The following COQ10B variants were observed in gnomAD, a reference collection of about 807,000 sequenced individuals.
The protein encoded by COQ10B is coenzyme Q10B, also known as coenzyme Q-binding protein COQ10 homolog B, mitochondrial.
COQ10B carries 12 observed loss-of-function variants against 27.6 expected under a neutral mutation model. The observed-to-expected ratio is 0.43, with a 90% CI of 0.28 to 0.70. The LOEUF is 0.70. Ranked by LOEUF, COQ10B falls within the 30% of genes least tolerant of loss-of-function variation. The probability of loss-of-function intolerance (pLI) is 0.17; values close to 1 mark genes in which losing one functional copy is unlikely to be tolerated. For missense variants in COQ10B, 278 were observed against 288.7 expected, an observed-to-expected ratio of 0.96 and a Z score of 0.27; for synonymous variants, 115 against 103.0, an observed-to-expected ratio of 1.12 and a Z score of -0.71.
chr2:197,469,029 A>T (rs962390699), intron 3 of COQ10B, among the ~76,000 whole-genome samples: 1 of 151,602 alleles, frequency 6.6e-6, no homozygotes, highest in African/African-American at 2.4e-5. Context: ...TTTATTTTTT[A>T]TTTTTATTTT....
At chr2:197,467,172 C>T (rs1354934608) in intron 3 of COQ10B, among the ~76,000 whole-genome samples, 1 of 152,152 alleles carries the variant, frequency 6.6e-6, no homozygotes, top group East Asian at 1.9e-4. Context: ...GTCTCAAACT[C>T]CTGACCTCAG....
chr2:197,457,642 C>T (rs570978155), intron 1 of COQ10B, among the ~76,000 whole-genome samples: 6 of 148,448 alleles, frequency 4.0e-5, no homozygotes, highest in Non-Finnish European at 5.9e-5. Context: ...TTTTTTGAGA[C>T]GGGGAGTCTT....
intron 3 of COQ10B, among the ~76,000 whole-genome samples, chr2:197,467,335 T>G (rs1011216154): frequency 1.3e-5 from 2 of 151,718 alleles, no homozygotes; most frequent in African/African-American, 2.4e-5. Flanking sequence ...TTTGATTGAT[T>G]GATTGATTGA....
At chr2:197,456,537 G>C (rs2085701014) in intron 1 of COQ10B, among the ~76,000 whole-genome samples, 1 of 151,562 alleles carries the variant, frequency 6.6e-6, no homozygotes, top group South Asian at 2.1e-4. Context: ...GGCTGAGGTG[G>C]GCGGATCACA....
rs111837954 is a variant in COQ10B, at chr2:197,463,249, G to A, written c.447+518G>A. 5.4e-4 allele frequency among the ~76,000 whole-genome samples: 82 copies of A among 152,098 alleles called. 2 individuals are homozygous for A. The highest frequency in any genetic ancestry group is 1.6e-3 in the Admixed American group (24 of 15,260). ...AGCACTTTGGGAGGCCAAGGCGAGCGGATTACGAGGTCAGGAGTTCAAGAC... is the reference window on the plus strand; with the variant it reads ...AGCACTTTGGGAGGCCAAGGCGAGCAGATTACGAGGTCAGGAGTTCAAGAC... On this transcript the variant is annotated intron_variant, in intron 3 of 4. Transcript: ENST00000263960.
chr2:197,456,449 C>T (rs538967496), intron 1 of COQ10B, among the ~76,000 whole-genome samples: 4 of 145,302 alleles, frequency 2.8e-5, no homozygotes, highest in Non-Finnish European at 3.0e-5. Context: ...GGCGGCAGAG[C>T]GAGACTCCAT....
chr2:197,464,055 A>G lies in COQ10B; in HGVS notation c.447+1324A>G, dbSNP rs1282013025. On this transcript the variant is annotated intron_variant, in intron 3 of 4. Coordinates refer to ENST00000263960, the MANE Select transcript of COQ10B (RefSeq NM_025147.5). Reference sequence around the variant, plus strand: ...CATACACACACATATATATATACGTATATATATATATACACACACACACAC... The same window carrying G: ...CATACACACACATATATATATACGTGTATATATATATACACACACACACAC... Among the ~76,000 whole-genome samples the G allele has an allele frequency of 8.6e-5, 10 of 116,246 alleles. 1 individual carries two copies. Among genetic ancestry groups the G allele is most frequent in the Non-Finnish European group, 1.1e-4 (6 of 52,506 alleles). 76.3% of individuals were successfully genotyped at this position (116,246 alleles called of 152,430 possible).
chr2:197,467,258 TTTTATTTATTTA>T (rs55707253), intron 3 of COQ10B, among the ~76,000 whole-genome samples: 2 of 148,098 alleles, frequency 1.4e-5, no homozygotes, highest in African/African-American at 5.0e-5. Flanking sequence ...GGGTTCTGGA[TTTTATTTATTTA>T]TTTATTTATT....
intron 1 of COQ10B, chr2:197,454,235 T>G: frequency 8.5e-7 from 1 of 1,177,354 alleles, no homozygotes; most frequent in East Asian, 2.7e-5. Context: ...TAGTCAGCTT[T>G]CGATTTTCCT....
chr2:197,462,454 G>T, intron 2 of COQ10B, 85 bp from the exon 3 acceptor site: 1 of 712,540 alleles, frequency 1.4e-6, no homozygotes. Context: ...TACACAGTAA[G>T]TTTTATACAT....
At chr2:197,466,067 G>A (rs1175406233) in intron 3 of COQ10B, among the ~76,000 whole-genome samples, 2 of 152,110 alleles carry the variant, frequency 1.3e-5, no homozygotes, top group African/African-American at 4.8e-5. Context: ...ACTCCAGCCT[G>A]GACAATGAGT....
intron 4 of COQ10B, among the ~76,000 whole-genome samples, chr2:197,473,421 T>A (rs1476412213): frequency 0.037 from 2,124 of 58,182 alleles, 232 homozygotes; most frequent in African/African-American, 0.12. Context: ...AAAAAATATA[T>A]ATATATATAT....
At chr2:197,472,402 C>T (rs1392460331) in intron 4 of COQ10B, among the ~76,000 whole-genome samples, 1 of 151,974 alleles carries the variant, frequency 6.6e-6, no homozygotes, top group East Asian at 1.9e-4. Flanking sequence ...GAAACTAAAA[C>T]CCATGGCTTC....
intron 1 of COQ10B, among the ~76,000 whole-genome samples, chr2:197,457,039 A>C (rs1440676755): frequency 6.6e-6 from 1 of 152,170 alleles, no homozygotes; most frequent in East Asian, 1.9e-4. Context: ...GTTGCACCTC[A>C]GATCATCAGG....
intron 4 of COQ10B, among the ~76,000 whole-genome samples, chr2:197,471,821 A>T (rs780562611): frequency 6.6e-6 from 1 of 151,986 alleles, no homozygotes; most frequent in African/African-American, 2.4e-5. Flanking sequence ...GCATGCCTGT[A>T]GTCCTAGCTA....
intron 1 of COQ10B, among the ~76,000 whole-genome samples, chr2:197,458,114 T>C (rs974237107): frequency 2.5e-5 from 3 of 120,780 alleles, no homozygotes; most frequent in Admixed American, 2.5e-4. Context: ...TATTTTCTTT[T>C]TCTTTTTTTT....
At position 197,473,882 on chromosome 2, in the gene COQ10B, T is replaced by C. The variant is rs1461238891; in HGVS notation, c.675T>C (p.Asn225=). The C allele has an allele frequency of 1.3e-6, 2 of 1,590,990 alleles. No individual in the cohort carries two copies. Among genetic ancestry groups the C allele is most frequent in the East Asian group, 2.3e-5 (1 of 44,284 alleles). ...GTAAGCTGTATGGTCCAGAAACAAA[T>C]ATACCTCGGGAGTTAATGCTTCATG... ...RACKLYGPET[N]IPRELMLHEV... The change falls in exon 5 of 5, where the codon AAT becomes AAC. Residue 225 remains asparagine, a synonymous_variant. Coordinates refer to ENST00000263960, the MANE Select transcript of COQ10B (RefSeq NM_025147.5).
rs910940305 is a variant in COQ10B, at chr2:197,475,267, C to G, written c.*1343C>G. ...ATATCTATTTCTATGAAGAAACAGA[C>G]TTTAACAAATATAAGCAAAATTCAG... On this transcript the variant is annotated 3_prime_UTR_variant, in exon 5 of 5. Coordinates refer to ENST00000263960, the MANE Select transcript of COQ10B (RefSeq NM_025147.5). 6.6e-6 allele frequency: 1 copy of G among 152,136 alleles called. No individual in the cohort carries two copies. Among genetic ancestry groups the G allele is most frequent in the East Asian group, 1.9e-4 (1 of 5,202 alleles). 9.4% of individuals were successfully genotyped at this position (152,136 alleles called of 1,614,324 possible). A position where few individuals can be genotyped will look rare whatever the true frequency, so the allele number is the denominator to read the frequency against.
intron 1 of COQ10B, among the ~76,000 whole-genome samples, chr2:197,457,290 A>G (rs560470476): frequency 6.6e-6 from 1 of 152,342 alleles, no homozygotes; most frequent in Admixed American, 6.5e-5. Context: ...GACTATAGTT[A>G]GCAATAATAT....
Sources: gnomAD v4.1 joint callset for allele counts (sites outside exome capture counted in the v4.1 genomes callset) on GRCh38, gnomAD v4.1.1 for gene constraint, MANE v1.5 for transcripts, NCBI Gene and HGNC (gene_info 2026-07-23, HGNC 2026-07-21) for gene names.